Variants in ARMH3 observed in about 807,000 individuals in gnomAD.
ARMH3 encodes the protein armadillo-like helical domain-containing protein 3.
A neutral mutation model predicts 99.1 loss-of-function variants in ARMH3; 60 were observed. The ratio of observed to expected loss-of-function variants is 0.61; its 90% CI spans 0.49 to 0.75. ARMH3 has a LOEUF of 0.75. ARMH3 is among the 30% of genes least tolerant of loss of function. ARMH3 has a pLI of 0.00. For synonymous variants in ARMH3, 285 were observed against 292.8 expected (o/e 0.97, Z 0.27); for missense variants, 679 against 843.1 (o/e 0.81, Z 2.41).
intron 1 of ARMH3, among the ~76,000 whole-genome samples, chr10:102,052,508 G>C (rs2067731504): frequency 6.6e-6 from 1 of 152,166 alleles, no homozygotes; most frequent in Non-Finnish European, 1.5e-5. Context: ...ACAGGCATGA[G>C]ACACCTTGCC....
intron 23 of ARMH3, among the ~76,000 whole-genome samples, chr10:101,904,200 C>G (rs2068046850): frequency 6.6e-6 from 1 of 152,182 alleles, no homozygotes; most frequent in East Asian, 1.9e-4. Flanking sequence ...TAATAATATA[C>G]ATTTGGGAAG....
chr10:102,008,561 AT>A (rs199616601), intron 13 of ARMH3, among the ~76,000 whole-genome samples: 1 of 146,498 alleles, frequency 6.8e-6, no homozygotes, highest in South Asian at 2.2e-4. Flanking sequence ...TTTTTATTTT[AT>A]TTTTTTTTGA....
chr10:101,938,661 T>C (rs1385582049), intron 23 of ARMH3, among the ~76,000 whole-genome samples: 1 of 152,248 alleles, frequency 6.6e-6, no homozygotes, highest in African/African-American at 2.4e-5. Context: ...CCTTGGGTCA[T>C]AAACAGATAT....
chr10:101,883,645 G>T (rs761664153), intron 24 of ARMH3, among the ~76,000 whole-genome samples: 2 of 152,018 alleles, frequency 1.3e-5, no homozygotes, highest in Non-Finnish European at 2.9e-5. Context: ...AGACAAAATG[G>T]TCATGGGGTT....
chr10:102,041,537 T>C (rs2067426137), intron 1 of ARMH3, among the ~76,000 whole-genome samples: 1 of 152,198 alleles, frequency 6.6e-6, no homozygotes. Context: ...GTACAAAAGA[T>C]TGTATCTTAG....
intron 20 of ARMH3, among the ~76,000 whole-genome samples, chr10:101,963,835 A>T (rs1845415396): frequency 6.6e-6 from 1 of 150,572 alleles, no homozygotes. Flanking sequence ...TACTTATTTT[A>T]TGCCATTTCC....
At chr10:101,958,365 G>A (rs781524495) in intron 20 of ARMH3, among the ~76,000 whole-genome samples, 8 of 152,188 alleles carry the variant, frequency 5.3e-5, no homozygotes, top group Non-Finnish European at 8.8e-5. Context: ...AATTCTTAGC[G>A]AGGGGAGAGA....
At chr10:102,024,408 C>T (rs1242530256) in intron 6 of ARMH3, among the ~76,000 whole-genome samples, 2 of 151,794 alleles carry the variant, frequency 1.3e-5, no homozygotes, top group East Asian at 1.9e-4. Context: ...AGGATCATGC[C>T]ATTGCACTCT....
intron 21 of ARMH3, 148 bp from the exon 22 acceptor site, chr10:101,956,871 A>G: frequency 1.7e-6 from 1 of 577,134 alleles, no homozygotes; most frequent in African/African-American, 1.9e-5. Context: ...AAACACAGCC[A>G]TTATTAAAAA....
At chr10:102,054,305 C>T (rs1312238989) in intron 1 of ARMH3, among the ~76,000 whole-genome samples, 1 of 151,618 alleles carries the variant, frequency 6.6e-6, no homozygotes, top group Non-Finnish European at 1.5e-5. Flanking sequence ...AGAAGAATCG[C>T]TGGAACCCGA....
chr10:101,881,649 G>A (rs1317669741), intron 24 of ARMH3, among the ~76,000 whole-genome samples: 1 of 152,078 alleles, frequency 6.6e-6, no homozygotes, highest in Non-Finnish European at 1.5e-5. Flanking sequence ...CCTAATAAAT[G>A]CTTGTGAATT....
chr10:102,030,004 T>C (rs544048476), intron 4 of ARMH3, among the ~76,000 whole-genome samples: 2 of 151,920 alleles, frequency 1.3e-5, no homozygotes, highest in African/African-American at 4.8e-5. Flanking sequence ...CACTACAGCC[T>C]TGACCTCCTG....
intron 19 of ARMH3, among the ~76,000 whole-genome samples, chr10:101,985,491 G>GA (rs552795937): frequency 1.3e-4 from 20 of 151,914 alleles, no homozygotes; most frequent in African/African-American, 4.3e-4. Context: ...GAGGCAGGGG[G>GA]ATCACTTGTG....
intron 15 of ARMH3, among the ~76,000 whole-genome samples, chr10:101,996,484 GAC>G (rs1236866592): frequency 6.6e-6 from 1 of 152,066 alleles, no homozygotes; most frequent in Non-Finnish European, 1.5e-5. Context: ...ATCCCTATCT[GAC>G]ACTCCCTGGA....
intron 22 of ARMH3, among the ~76,000 whole-genome samples, chr10:101,954,921 T>C (rs1255021035): frequency 1.3e-5 from 2 of 152,174 alleles, no homozygotes; most frequent in African/African-American, 2.4e-5. Flanking sequence ...TAGTTACATA[T>C]GGCCCAGTTG....
At chr10:102,015,632 C>T (rs376992348) in intron 8 of ARMH3, among the ~76,000 whole-genome samples, 2 of 152,118 alleles carry the variant, frequency 1.3e-5, no homozygotes, top group Non-Finnish European at 2.9e-5. Context: ...TCAGGTGGTC[C>T]GCCTGTCTCG....
At chr10:102,018,387 CAGA>C (rs1286066291) in intron 8 of ARMH3, among the ~76,000 whole-genome samples, 1 of 152,130 alleles carries the variant, frequency 6.6e-6, no homozygotes, top group Non-Finnish European at 1.5e-5. Context: ...TCATTAAAAT[CAGA>C]AGGAGTTTCT....
intron 24 of ARMH3, among the ~76,000 whole-genome samples, chr10:101,875,926 G>A (rs2067250222): frequency 6.6e-6 from 1 of 152,080 alleles, no homozygotes; most frequent in African/African-American, 2.4e-5. Context: ...ATGGGGCTGG[G>A]GAAACATGAT....
chr10:101,918,049 T>C (rs1310840581), intron 23 of ARMH3, among the ~76,000 whole-genome samples: 2 of 152,216 alleles, frequency 1.3e-5, no homozygotes, highest in South Asian at 2.1e-4. Context: ...TTTTTGTTTG[T>C]TTGTTTGTTT....
Sources: gnomAD v4.1 joint callset for allele counts (sites outside exome capture counted in the v4.1 genomes callset) on GRCh38, gnomAD v4.1.1 for gene constraint, MANE v1.5 for transcripts, NCBI Gene and HGNC (gene_info 2026-07-23, HGNC 2026-07-21) for gene names.